CYP2B6: variants seen among roughly 807,000 people sequenced by gnomAD.
The protein encoded by CYP2B6 is cytochrome P450 family 2 subfamily B member 6.
CYP2B6 carries 35 observed loss-of-function variants against 43.4 expected under a neutral mutation model. The observed-to-expected ratio is 0.81, with a 90% CI of 0.62 to 1.07. The LOEUF is 1.07. Ranked by LOEUF, CYP2B6 falls within the 50% of genes least tolerant of loss-of-function variation. CYP2B6 has a pLI of 0.00. For synonymous variants in CYP2B6, 239 were observed against 239.2 expected (o/e 1.00, Z 0.01); for missense variants, 624 against 632.8 (o/e 0.99, Z 0.15).
At position 40,995,229 on chromosome 19, in the gene CYP2B6, A is replaced by G. The variant is rs149626357; in HGVS notation, c.171+3753A>G. On this transcript the variant is annotated intron_variant, in intron 1 of 8. Coordinates refer to ENST00000324071, the MANE Select transcript of CYP2B6 (RefSeq NM_000767.5). ...AATCTTGGAAAAGCTGTCCGCATAT[A>G]AGATGCCAACTGCTTCTGGGGAAAA... 2.9e-3 allele frequency among the ~76,000 whole-genome samples: 441 copies of G among 152,296 alleles called. 3 individuals carry two copies. The highest frequency in any genetic ancestry group is 0.01 in the African/African-American group (419 of 41,532).
At position 41,016,651 on chromosome 19, in the gene CYP2B6, C is replaced by A. The variant is rs370591767; in HGVS notation, c.1300C>A (p.Arg434=). ...EAFIPFSLGK[R]ICLGEGIARA... is the part of the protein sequence containing the mutation. ...GTGACCTTCTGTGTCCACAGGGAAG[C>A]GGATTTGTCTTGGTGAAGGCATCGC... Residue 434 remains arginine, a synonymous_variant, in exon 9 of 9, where the codon CGG becomes AGG. Transcript: ENST00000324071. The A allele has an allele frequency of 7.4e-6, 12 of 1,613,968 alleles. No homozygotes were observed. In the African/African-American group the frequency reaches 1.3e-4, roughly 18 times the overall value.
intron 8 of CYP2B6, 81 bp from the exon 9 acceptor site, chr19:41,016,565 T>A: frequency 6.7e-7 from 1 of 1,485,132 alleles, no homozygotes. Flanking sequence ...AGTGGACATT[T>A]GTGTCTGGGC....
intron 3 of CYP2B6, among the ~76,000 whole-genome samples, chr19:41,005,190 G>A (rs1428575688): frequency 6.6e-6 from 1 of 152,130 alleles, no homozygotes; most frequent in Non-Finnish European, 1.5e-5. Flanking sequence ...TTCTGCCCGG[G>A]TGCAGCTGGA....
intron 1 of CYP2B6, 100 bp downstream of exon 1, chr19:40,991,576 G>A: frequency 7.7e-7 from 1 of 1,306,128 alleles, no homozygotes; most frequent in South Asian, 1.2e-5. Context: ...CAGAGTCAGG[G>A]GTGGCACGGG....
At chr19:40,993,558 C>A (rs777062356) in intron 1 of CYP2B6, among the ~76,000 whole-genome samples, 1 of 152,070 alleles carries the variant, frequency 6.6e-6, no homozygotes, top group Non-Finnish European at 1.5e-5. Flanking sequence ...TGGGGGAAAC[C>A]GCCCCCAGGA....
intron 1 of CYP2B6, among the ~76,000 whole-genome samples, chr19:40,993,195 T>A (rs1416435778): frequency 6.6e-6 from 1 of 152,092 alleles, no homozygotes; most frequent in African/African-American, 2.4e-5. Flanking sequence ...ACATATAGTA[T>A]CCTGGAGACC....
intron 1 of CYP2B6, among the ~76,000 whole-genome samples, chr19:40,998,501 C>A (rs1969031085): frequency 2.0e-5 from 3 of 150,164 alleles, no homozygotes; most frequent in Non-Finnish European, 4.4e-5. Context: ...TATACATGTG[C>A]CATGCTGGTG....
At chr19:41,009,691 G>A in intron 5 of CYP2B6, 3 of 598,168 alleles carry the variant, frequency 5.0e-6, no homozygotes, top group South Asian at 4.1e-5. Flanking sequence ...TCGGGGCAAG[G>A]GACAAAAATA....
chr19:40,995,026 CT>C (rs1968980607), intron 1 of CYP2B6, among the ~76,000 whole-genome samples: 1 of 152,050 alleles, frequency 6.6e-6, no homozygotes, highest in African/African-American at 2.4e-5. Flanking sequence ...TCAACAACTC[CT>C]TGTTTTTTTT....
intron 4 of CYP2B6, 30 bp downstream of exon 4, chr19:41,007,095 TG>T (rs766741932): frequency 7.4e-6 from 12 of 1,612,686 alleles, no homozygotes; most frequent in African/African-American, 2.7e-5. Context: ...ACAGGGGGTG[TG>T]GGGGTGAGGT....
chr19:40,999,698 A>G (rs1187963951), intron 1 of CYP2B6, among the ~76,000 whole-genome samples: 2 of 151,950 alleles, frequency 1.3e-5, no homozygotes, highest in Non-Finnish European at 2.9e-5. Context: ...TTTCATTTTA[A>G]TTGTTTTAGA....
intron 8 of CYP2B6, among the ~76,000 whole-genome samples, chr19:41,014,036 G>C (rs778486488): frequency 2.0e-5 from 3 of 152,190 alleles, no homozygotes; most frequent in Non-Finnish European, 2.9e-5. Flanking sequence ...TTGTTTACAT[G>C]TTGAGTTACA....
intron 1 of CYP2B6, among the ~76,000 whole-genome samples, chr19:40,998,427 TTTA>T (rs894200127): frequency 2.0e-5 from 3 of 152,098 alleles, no homozygotes; most frequent in Non-Finnish European, 4.4e-5. Flanking sequence ...TTCTTTCTTT[TTTA>T]TTATTATTAT....
chr19:41,005,784 A>AAAT (rs917784796), intron 3 of CYP2B6, among the ~76,000 whole-genome samples: 38 of 151,578 alleles, frequency 2.5e-4, no homozygotes, highest in African/African-American at 6.3e-4. Flanking sequence ...CTGTCTCCAA[A>AAAT]AATAATAATA....
chr19:41,016,399 CAAAAAAAAAAAAAA>C (rs869180190), intron 8 of CYP2B6, among the ~76,000 whole-genome samples: 36 of 76,872 alleles, frequency 4.7e-4, no homozygotes, highest in Non-Finnish European at 6.4e-4. Context: ...GACTCCATCT[CAAAAAAAAAAAAAA>C]AAAAAAAAAA....
chr19:40,994,608 T>C (rs1003406700), intron 1 of CYP2B6, among the ~76,000 whole-genome samples: 2 of 152,096 alleles, frequency 1.3e-5, no homozygotes, highest in Admixed American at 6.6e-5. Flanking sequence ...ATTACAAGCA[T>C]GAGCCACCAT....
In CYP2B6 at chr19:41,000,010, C is replaced by T. The variant is rs149674832; in HGVS notation, c.172-3991C>T. 4.2e-3 allele frequency among the ~76,000 whole-genome samples: 642 copies of T among 152,248 alleles called. 9 individuals are homozygous for T. The highest frequency in any genetic ancestry group is 0.015 in the African/African-American group (622 of 41,494). Reference sequence around the variant, plus strand: ...TTTGACCCTCTCCCTTCCTTTATTGCAGCAAAGATTTCCATTTTCTCACAG... The same window carrying T: ...TTTGACCCTCTCCCTTCCTTTATTGTAGCAAAGATTTCCATTTTCTCACAG... On this transcript the variant is annotated intron_variant, in intron 1 of 8. Coordinates refer to ENST00000324071, the MANE Select transcript of CYP2B6 (RefSeq NM_000767.5).
chr19:41,017,000 AG>A lies in CYP2B6; in HGVS notation c.*174del. 1.7e-6 allele frequency: 1 copy of A among 604,428 alleles called. No homozygotes were observed. Among genetic ancestry groups the A allele is most frequent in the Non-Finnish European group, 2.9e-6 (1 of 344,416 alleles). The allele number at this position is 604,428 out of a possible 1,614,324, so 37.4% of individuals were successfully genotyped here. A position where few individuals can be genotyped will look rare whatever the true frequency, so the allele number is the denominator to read the frequency against. On this transcript the variant is annotated 3_prime_UTR_variant, in exon 9 of 9. Coordinates refer to ENST00000324071, the MANE Select transcript of CYP2B6 (RefSeq NM_000767.5). Reference sequence around the variant, plus strand: ...AGGTCACATTGCAAGTGAGTGCAGGAGTGAGATTATCGAAAATTATAATATA... The same window carrying A: ...AGGTCACATTGCAAGTGAGTGCAGGATGAGATTATCGAAAATTATAATATA...
chr19:41,002,986 C>G (rs192288439), intron 1 of CYP2B6, among the ~76,000 whole-genome samples: 201 of 152,202 alleles, frequency 1.3e-3, no homozygotes, highest in African/African-American at 4.7e-3. Context: ...TTGCTGTATA[C>G]TAGTCTATTG....
Sources: allele counts gnomAD v4.1 joint callset (sites outside exome capture counted in the v4.1 genomes callset), GRCh38; gene constraint gnomAD v4.1.1; transcripts MANE v1.5; gene names NCBI Gene and HGNC (gene_info 2026-07-23, HGNC 2026-07-21).